The following DGKB variants were observed in gnomAD, a reference collection of about 807,000 sequenced individuals.
The protein encoded by DGKB is diacylglycerol kinase beta, also known as 90 kDa diacylglycerol kinase.
In DGKB, 67 loss-of-function variants were observed where a neutral mutation model predicts 114.3. The ratio of observed to expected loss-of-function variants is 0.59; its 90% CI spans 0.48 to 0.72. DGKB has a LOEUF of 0.72. DGKB is among the 30% of genes least tolerant of loss of function. DGKB has a pLI of 0.00. For missense variants in DGKB, 907 were observed against 975.2 expected, an observed-to-expected ratio of 0.93 and a Z score of 0.93; for synonymous variants, 398 against 323.1, an observed-to-expected ratio of 1.23 and a Z score of -2.49.
chr7:14,660,369 CTT>C (rs1816783319), intron 13 of DGKB, among the ~76,000 whole-genome samples: 1 of 151,714 alleles, frequency 6.6e-6, no homozygotes, highest in Non-Finnish European at 1.5e-5. Flanking sequence ...GTCCTGGACT[CTT>C]TTTGGTTGGT....
intron 9 of DGKB, among the ~76,000 whole-genome samples, chr7:14,687,007 C>T (rs1044289406): frequency 2.6e-5 from 4 of 152,068 alleles, no homozygotes; most frequent in African/African-American, 9.7e-5. Context: ...CCCTTGTAGG[C>T]AAAGGTGAAA....
At chr7:14,717,000 A>G (rs1828300866) in intron 6 of DGKB, among the ~76,000 whole-genome samples, 1 of 152,130 alleles carries the variant, frequency 6.6e-6, no homozygotes, top group Non-Finnish European at 1.5e-5. Flanking sequence ...GGGAAACTCA[A>G]AGAAAAAAAC....
intron 1 of DGKB, among the ~76,000 whole-genome samples, chr7:14,947,565 CTCATAGGAGAAAAATGTTCTTCCTCATAT>C: frequency 4.2e-5 from 3 of 71,556 alleles, no homozygotes; most frequent in East Asian, 5.8e-3. Context: ...TTAAATGATA[CTCATAGGAGAAAAATGTTCTTCCTCATAT>C]AGATATATGA....
chr7:14,501,283 T>C (rs1056521886), intron 20 of DGKB, among the ~76,000 whole-genome samples: 2 of 151,914 alleles, frequency 1.3e-5, no homozygotes. Context: ...ATTCAATTAA[T>C]AGGGATCTTC....
intron 21 of DGKB, among the ~76,000 whole-genome samples, chr7:14,460,144 A>G (rs1052604420): frequency 6.6e-6 from 1 of 152,238 alleles, no homozygotes; most frequent in Non-Finnish European, 1.5e-5. Flanking sequence ...ATGCAAAAGC[A>G]TACCAAATTG....
At chr7:14,640,643 G>C (rs746005134) in intron 13 of DGKB, among the ~76,000 whole-genome samples, 3 of 152,164 alleles carry the variant, frequency 2.0e-5, no homozygotes, top group Non-Finnish European at 2.9e-5. Context: ...AGGGAACAAA[G>C]ACAGGCAATG....
At chr7:14,278,918 C>T (rs1433346900) in intron 23 of DGKB, among the ~76,000 whole-genome samples, 2 of 152,150 alleles carry the variant, frequency 1.3e-5, no homozygotes, top group African/African-American at 4.8e-5. Flanking sequence ...CTACAGCTCC[C>T]AGCCTGAGCA....
chr7:14,968,477 G>C (rs773075233), intron 1 of DGKB, among the ~76,000 whole-genome samples: 13 of 152,106 alleles, frequency 8.5e-5, no homozygotes, highest in Non-Finnish European at 1.3e-4. Flanking sequence ...AATTTAATAA[G>C]TTCTTTGATG....
chr7:14,675,374 G>T (rs1157167150), intron 12 of DGKB, among the ~76,000 whole-genome samples: 2 of 152,000 alleles, frequency 1.3e-5, no homozygotes, highest in African/African-American at 4.8e-5. Context: ...TTATTTGAGG[G>T]TTACTGATGT....
At chr7:14,962,376 T>A (rs765832182) in intron 1 of DGKB, among the ~76,000 whole-genome samples, 7 of 152,154 alleles carry the variant, frequency 4.6e-5, no homozygotes, top group Non-Finnish European at 1.0e-4. Context: ...AGCAACAACA[T>A]AAGCATTGTG....
chr7:14,645,422 C>T (rs981500809), intron 13 of DGKB, among the ~76,000 whole-genome samples: 1 of 151,992 alleles, frequency 6.6e-6, no homozygotes, highest in African/African-American at 2.4e-5. Context: ...CGCCGAACAA[C>T]AGGACAGAAA....
chr7:14,936,339 C>T (rs1044350720), intron 1 of DGKB, among the ~76,000 whole-genome samples: 2 of 152,120 alleles, frequency 1.3e-5, no homozygotes, highest in Non-Finnish European at 2.9e-5. Flanking sequence ...TAAAATTGAG[C>T]ATGAGGTCAT....
At chr7:14,578,449 G>A (rs1281091239) in intron 19 of DGKB, among the ~76,000 whole-genome samples, 1 of 152,146 alleles carries the variant, frequency 6.6e-6, no homozygotes. Context: ...TTACACACCT[G>A]TCAAGAAATA....
At chr7:14,753,813 T>C in intron 4 of DGKB, 115 bp downstream of exon 4, 1 of 763,696 alleles carries the variant, frequency 1.3e-6, no homozygotes. Flanking sequence ...CCTTGTATAC[T>C]ATAGAAATCA....
rs1310359167 is a variant in DGKB, at chr7:14,924,822, C to G, written c.-188+49874G>C. Reference sequence around the variant, plus strand: ...AAACACTGAAGTACCCTTTACCCAGCTCCTCTCATGGGAAACTTTACAATT... The same window carrying G: ...AAACACTGAAGTACCCTTTACCCAGGTCCTCTCATGGGAAACTTTACAATT... On this transcript the variant is annotated intron_variant, in intron 1 of 4. Transcript: ENST00000437998. Among the ~76,000 whole-genome samples the G allele has an allele frequency of 2.0e-5, 3 of 152,206 alleles. No individual in the cohort carries two copies. In the East Asian group the frequency reaches 5.8e-4, roughly 29 times the overall value.
At chr7:14,897,353 TTACTC>T (rs1782268873) in intron 1 of DGKB, among the ~76,000 whole-genome samples, 3 of 152,024 alleles carry the variant, frequency 2.0e-5, no homozygotes, top group African/African-American at 7.2e-5. Context: ...AACCATCACT[TTACTC>T]TTCTCTAGTG....
intron 20 of DGKB, among the ~76,000 whole-genome samples, chr7:14,566,901 T>C (rs1382170987): frequency 6.6e-6 from 1 of 151,576 alleles, no homozygotes; most frequent in African/African-American, 2.4e-5. Context: ...TATAAGCCTT[T>C]CCTGACTCTC....
intron 20 of DGKB, among the ~76,000 whole-genome samples, chr7:14,564,558 C>T (rs2128680746): frequency 6.6e-6 from 1 of 152,170 alleles, no homozygotes; most frequent in Middle Eastern, 3.4e-3. Flanking sequence ...CCTAGTCTGC[C>T]ATGTTGCTGA....
At chr7:14,356,263 ACTCT>A (rs1320695805) in intron 21 of DGKB, among the ~76,000 whole-genome samples, 1 of 124,238 alleles carries the variant, frequency 8.0e-6, no homozygotes, top group Non-Finnish European at 1.7e-5. Context: ...GGGTTTTTTG[ACTCT>A]CTATCTCCTT....
Sources: gnomAD v4.1 joint callset for allele counts (sites outside exome capture counted in the v4.1 genomes callset) on GRCh38, gnomAD v4.1.1 for gene constraint, MANE v1.5 for transcripts, NCBI Gene and HGNC (gene_info 2026-07-23, HGNC 2026-07-21) for gene names.